PRKCH: variants seen among roughly 807,000 people sequenced by gnomAD.
PRKCH encodes protein kinase C eta.
Under a neutral mutation model 82.5 loss-of-function variants are expected in PRKCH, and 28 were observed. The ratio of observed to expected loss-of-function variants is 0.34; its 90% CI spans 0.25 to 0.47. The LOEUF is 0.47. Among genes scored for constraint, PRKCH ranks in the 20% least tolerant of loss-of-function variants. PRKCH has a pLI of 1.00. For synonymous variants in PRKCH, 322 were observed against 327.4 expected, an observed-to-expected ratio of 0.98 and a Z score of 0.18; for missense variants, 705 against 881.8, an observed-to-expected ratio of 0.80 and a Z score of 2.54.
intron 2 of PRKCH, among the ~76,000 whole-genome samples, chr14:61,420,197 G>A (rs959506204): frequency 1.3e-5 from 2 of 152,180 alleles, no homozygotes; most frequent in Non-Finnish European, 2.9e-5. Context: ...GTGTGTGCGT[G>A]TATGTGTGTG....
chr14:61,331,260 G>T (rs1262204036), intron 1 of PRKCH, among the ~76,000 whole-genome samples: 1 of 152,212 alleles, frequency 6.6e-6, no homozygotes, highest in Admixed American at 6.5e-5. Flanking sequence ...AAAGATTTGT[G>T]TCCTAGTATT....
chr14:61,244,237 G>A (rs1323373501), intron 1 of PRKCH, among the ~76,000 whole-genome samples: 1 of 152,158 alleles, frequency 6.6e-6, no homozygotes, highest in East Asian at 1.9e-4. Context: ...TCAAAATACA[G>A]CTGAACAAAC....
intron 1 of PRKCH, among the ~76,000 whole-genome samples, chr14:61,240,126 C>A (rs2185446): frequency 6.6e-6 from 1 of 151,576 alleles, no homozygotes; most frequent in Admixed American, 6.6e-5. Context: ...GTAGAAACAC[C>A]GTGGGTCCTT....
chr14:61,464,142 A>G (rs1885151706), intron 9 of PRKCH, among the ~76,000 whole-genome samples: 4 of 152,218 alleles, frequency 2.6e-5, no homozygotes, highest in African/African-American at 9.6e-5. Context: ...AGGAGCCTCC[A>G]TACCGTTTTC....
chr14:61,413,727 C>G (rs1882408451), intron 2 of PRKCH, among the ~76,000 whole-genome samples: 1 of 151,640 alleles, frequency 6.6e-6, no homozygotes, highest in African/African-American at 2.4e-5. Flanking sequence ...TCTAATTTGT[C>G]TCCTTTTTTT....
rs947553377 is a variant in PRKCH at position 61,444,291 on chromosome 14, G to A, written c.578+1030G>A. Among the ~76,000 whole-genome samples the A allele has an allele frequency of 2.6e-5, 4 of 152,158 alleles. No individual in the cohort carries two copies. In the East Asian group the frequency reaches 5.8e-4, roughly 22 times the overall value. On this transcript the variant is annotated intron_variant, in intron 3 of 13. Transcript: ENST00000332981. ...ATTACTTTTTTTTGGGAAAAAATTA[G>A]CAGCCCTGGCGTCTTTGAGTTCACG...
intron 1 of PRKCH, chr14:61,327,192 T>C (rs539423016): frequency 3.1e-5 from 14 of 453,970 alleles, no homozygotes; most frequent in Non-Finnish European, 4.9e-5. Flanking sequence ...GTACCTGTTT[T>C]GTAATCAGTC....
At chr14:61,488,220 G>T (rs1454517316) in intron 10 of PRKCH, among the ~76,000 whole-genome samples, 1 of 152,162 alleles carries the variant, frequency 6.6e-6, no homozygotes, top group Non-Finnish European at 1.5e-5. Flanking sequence ...CTACTTGGGA[G>T]GCTGAGGTGG....
intron 1 of PRKCH, among the ~76,000 whole-genome samples, chr14:61,234,324 G>A (rs12588834): frequency 0.026 from 3,882 of 152,230 alleles, 111 homozygotes; most frequent in East Asian, 0.1. Flanking sequence ...GGTAAGGGGG[G>A]GAAATTGAGC....
chr14:61,281,207 C>G, intron 1 of PRKCH: 1 of 1,099,438 alleles, frequency 9.1e-7, no homozygotes, highest in Non-Finnish European at 1.2e-6. Flanking sequence ...CGCGGGGCGC[C>G]TCCCTCTCCG....
At chr14:61,517,496 C>G (rs1055187928) in intron 10 of PRKCH, among the ~76,000 whole-genome samples, 6 of 152,164 alleles carry the variant, frequency 3.9e-5, no homozygotes, top group African/African-American at 1.4e-4. Context: ...TTACTCTTTG[C>G]TCTGTGTATT....
intron 2 of PRKCH, among the ~76,000 whole-genome samples, chr14:61,425,222 C>T (rs1883047994): frequency 6.6e-6 from 1 of 152,214 alleles, no homozygotes; most frequent in Non-Finnish European, 1.5e-5. Flanking sequence ...GGCCACCATC[C>T]TCCAGACCCC....
At position 61,257,614 on chromosome 14, in the gene PRKCH, C is replaced by G. The variant is rs892735816; in HGVS notation, c.-19+69946C>G. ...TCTCTGTCACACACAGACACACACACACACACACACACACACCCCCACACA... is the reference window on the plus strand; with the variant it reads ...TCTCTGTCACACACAGACACACACAGACACACACACACACACCCCCACACA... On this transcript the variant is annotated intron_variant, in intron 1 of 3. Transcript: ENST00000555185. 1.4e-4 allele frequency among the ~76,000 whole-genome samples: 7 copies of G among 50,116 alleles called. No individual in the cohort carries two copies. The South Asian group carries it at 3.0e-3, about 21-fold the overall frequency. The allele number at this position is 50,116 out of a possible 152,430, so 32.9% of individuals were successfully genotyped here.
rs149619475 is a variant in PRKCH, at chr14:61,283,372, G to A, written c.-19+95704G>A. Among the ~76,000 whole-genome samples the A allele has an allele frequency of 1.6e-3, 249 of 152,290 alleles. 3 individuals are homozygous for A. Among genetic ancestry groups the A allele is most frequent in the Non-Finnish European group, 1.1e-3 (75 of 68,026 alleles). On this transcript the variant is annotated intron_variant, in intron 1 of 3. Coordinates refer to the PRKCH transcript ENST00000555185. ...ATTTCAAGACAAGGAATGGTCAGCA[G>A]AGTTAAACACAGCTGAGGGTTCAAG...
At chr14:61,444,452 GC>G (rs1429805381) in intron 3 of PRKCH, among the ~76,000 whole-genome samples, 1 of 147,166 alleles carries the variant, frequency 6.8e-6, no homozygotes, top group Non-Finnish European at 1.5e-5. Context: ...TACATGACCT[GC>G]CAGGCCCCTG....
intron 10 of PRKCH, among the ~76,000 whole-genome samples, chr14:61,486,732 T>C (rs1886243696): frequency 1.3e-5 from 2 of 151,876 alleles, no homozygotes; most frequent in South Asian, 4.2e-4. Flanking sequence ...TAGGTCGGTC[T>C]TGAACTCCTG....
intron 12 of PRKCH, chr14:61,538,039 C>T (rs757542167): frequency 2.0e-5 from 3 of 152,248 alleles, no homozygotes; most frequent in Non-Finnish European, 4.4e-5. Context: ...CCCTACTCCC[C>T]TCCTGGGAGA....
chr14:61,375,115 T>G (rs966832627), intron 1 of PRKCH, among the ~76,000 whole-genome samples: 4 of 152,010 alleles, frequency 2.6e-5, no homozygotes, highest in Admixed American at 2.6e-4. Flanking sequence ...AAATTATCTC[T>G]CTCAAGTTTA....
At chr14:61,211,451 C>T (rs966447126) in intron 1 of PRKCH, among the ~76,000 whole-genome samples, 3 of 152,152 alleles carry the variant, frequency 2.0e-5, no homozygotes, top group South Asian at 2.1e-4. Context: ...AAAACCACCA[C>T]GTGTTCTTGT....
Sources: gnomAD v4.1 joint callset for allele counts (sites outside exome capture counted in the v4.1 genomes callset) on GRCh38, gnomAD v4.1.1 for gene constraint, MANE v1.5 for transcripts, NCBI Gene and HGNC (gene_info 2026-07-23, HGNC 2026-07-21) for gene names.